The following FAM174A variants were observed in gnomAD, a reference collection of about 807,000 sequenced individuals.
FAM174A encodes family with sequence similarity 174 member A, also known as membrane protein FAM174A.
A neutral mutation model predicts 14.3 loss-of-function variants in FAM174A; 14 were observed. That is an observed-to-expected ratio of 0.98 (90% CI 0.65 to 1.53). The LOEUF is 1.53. Among genes scored for constraint, FAM174A ranks in the 40% most tolerant of loss-of-function variants. FAM174A has a pLI of 0.00. For missense variants in FAM174A, 241 were observed against 249.6 expected, an observed-to-expected ratio of 0.97 and a Z score of 0.23; for synonymous variants, 108 against 111.4, an observed-to-expected ratio of 0.97 and a Z score of 0.19.
At chr5:100,552,021 A>C (rs1746272437) in intron 1 of FAM174A, among the ~76,000 whole-genome samples, 2 of 152,216 alleles carry the variant, frequency 1.3e-5, no homozygotes, top group African/African-American at 4.8e-5. Context: ...AACCTGTAAC[A>C]TGCAGACATA....
chr5:100,546,881 C>G (rs911428616), intron 1 of FAM174A, among the ~76,000 whole-genome samples: 3 of 152,134 alleles, frequency 2.0e-5, no homozygotes, highest in Admixed American at 2.0e-4. Context: ...CCTATAGCTT[C>G]TGGCTTCTCT....
chr5:100,572,216 T>C (rs12519965), intron 2 of FAM174A, among the ~76,000 whole-genome samples: 6 of 51,704 alleles, frequency 1.2e-4, no homozygotes, highest in Non-Finnish European at 2.4e-4. Context: ...TTTTTTTTTC[T>C]TTTTTTTATG....
intron 2 of FAM174A, among the ~76,000 whole-genome samples, chr5:100,580,834 T>G (rs1199649270): frequency 6.6e-6 from 1 of 152,174 alleles, no homozygotes; most frequent in East Asian, 1.9e-4. Context: ...TCCCTGCCAT[T>G]CTTGCCAAAA....
At chr5:100,573,826 T>C (rs1746844969) in intron 2 of FAM174A, among the ~76,000 whole-genome samples, 1 of 151,218 alleles carries the variant, frequency 6.6e-6, no homozygotes, top group Non-Finnish European at 1.5e-5. Flanking sequence ...CTTCAAACTA[T>C]ACTACAAGGC....
At chr5:100,570,379 A>G (rs1045773364) in intron 2 of FAM174A, among the ~76,000 whole-genome samples, 6 of 151,978 alleles carry the variant, frequency 3.9e-5, no homozygotes, top group Non-Finnish European at 1.5e-5. Context: ...GAGATTAAAC[A>G]TGCATTACAC....
At chr5:100,557,627 T>G (rs189360525) in intron 1 of FAM174A, among the ~76,000 whole-genome samples, 2,033 of 152,276 alleles carry the variant, frequency 0.013, 50 homozygotes, top group African/African-American at 0.045. Context: ...CTGTTATTGG[T>G]CTATTCAGAG....
At chr5:100,572,203 A>AG (rs937237261) in intron 2 of FAM174A, among the ~76,000 whole-genome samples, 5 of 125,548 alleles carry the variant, frequency 4.0e-5, no homozygotes, top group African/African-American at 1.5e-4. Flanking sequence ...ATTCAAGTAA[A>AG]GGTTTTTTTT....
At chr5:100,548,823 T>A (rs531645729) in intron 1 of FAM174A, among the ~76,000 whole-genome samples, 1 of 152,246 alleles carries the variant, frequency 6.6e-6, no homozygotes, top group African/African-American at 2.4e-5. Context: ...GAATTCAAAT[T>A]ACAATTTATC....
intron 1 of FAM174A, among the ~76,000 whole-genome samples, chr5:100,542,846 A>ATGTGTG (rs147251634): frequency 6.0e-5 from 9 of 150,424 alleles, no homozygotes; most frequent in African/African-American, 2.0e-4. Flanking sequence ...ATATATATAT[A>ATGTGTG]TGTGTGTGTG....
chr5:100,556,909 C>T (rs566256496), intron 1 of FAM174A, among the ~76,000 whole-genome samples: 3 of 152,302 alleles, frequency 2.0e-5, no homozygotes, highest in South Asian at 4.1e-4. Context: ...TTGACTTCCT[C>T]TTTGCCTAAT....
At chr5:100,549,476 C>T (rs536143924) in intron 1 of FAM174A, among the ~76,000 whole-genome samples, 23 of 152,088 alleles carry the variant, frequency 1.5e-4, no homozygotes, top group Non-Finnish European at 3.4e-4. Context: ...TGCCAACATG[C>T]CTTCAACAGG....
At chr5:100,562,631 T>TGA (rs954962112) in intron 2 of FAM174A, among the ~76,000 whole-genome samples, 2 of 151,548 alleles carry the variant, frequency 1.3e-5, no homozygotes, top group African/African-American at 2.4e-5. Flanking sequence ...TGTGTGTGTG[T>TGA]GAGAGAGAAA....
At chr5:100,560,311 C>T (rs1746498411) in intron 1 of FAM174A, among the ~76,000 whole-genome samples, 1 of 152,076 alleles carries the variant, frequency 6.6e-6, no homozygotes, top group Non-Finnish European at 1.5e-5. Flanking sequence ...CACACATATA[C>T]ATGTTAATGT....
At chr5:100,537,808 G>T (rs1023412468) in intron 1 of FAM174A, among the ~76,000 whole-genome samples, 2 of 152,092 alleles carry the variant, frequency 1.3e-5, no homozygotes, top group Admixed American at 1.3e-4. Flanking sequence ...ATGGCCCCTT[G>T]AATGTTGTAT....
intron 2 of FAM174A, among the ~76,000 whole-genome samples, chr5:100,573,408 C>T (rs1048882184): frequency 8.6e-5 from 13 of 151,938 alleles, no homozygotes; most frequent in African/African-American, 2.7e-4. Context: ...AGTCTTTAAT[C>T]CATCTTGAAT....
intron 1 of FAM174A, among the ~76,000 whole-genome samples, chr5:100,545,476 T>G (rs1746147118): frequency 6.6e-6 from 1 of 152,148 alleles, no homozygotes. Flanking sequence ...AGATATTGAC[T>G]GTTGTGAGAT....
intron 2 of FAM174A, among the ~76,000 whole-genome samples, chr5:100,577,998 G>C (rs537498519): frequency 5.9e-5 from 9 of 152,076 alleles, no homozygotes; most frequent in African/African-American, 2.2e-4. Flanking sequence ...GACAATAAGT[G>C]TGTAGGATAC....
At chr5:100,583,366 C>T (rs537688097) in intron 2 of FAM174A, among the ~76,000 whole-genome samples, 1 of 152,326 alleles carries the variant, frequency 6.6e-6, no homozygotes, top group African/African-American at 2.4e-5. Flanking sequence ...TCTTCTTCCA[C>T]AGCTTGCTTT....
chr5:100,581,559 G>GAATT (rs201802923), intron 2 of FAM174A: 1 of 160,582 alleles, frequency 6.2e-6, no homozygotes, highest in African/African-American at 2.4e-5. Flanking sequence ...TCAAGACCTC[G>GAATT]CTTAAGGCTG....
Sources: gnomAD v4.1 joint callset for allele counts (sites outside exome capture counted in the v4.1 genomes callset) on GRCh38, gnomAD v4.1.1 for gene constraint, MANE v1.5 for transcripts, NCBI Gene and HGNC (gene_info 2026-07-23, HGNC 2026-07-21) for gene names.